VCAN: variants seen among roughly 807,000 people sequenced by gnomAD.
VCAN encodes the protein versican core protein.
Under a neutral mutation model 245.5 loss-of-function variants are expected in VCAN, and 44 were observed. The ratio of observed to expected loss-of-function variants is 0.18; its 90% CI spans 0.14 to 0.23. The LOEUF is 0.23. VCAN is among the 10% of genes least tolerant of loss of function. The probability of loss-of-function intolerance (pLI) is 1.00; values close to 1 mark genes in which losing one functional copy is unlikely to be tolerated. For synonymous variants in VCAN, 1,413 were observed against 1,437.0 expected (o/e 0.98, Z 0.38); for missense variants, 3,793 against 4,057.9 (o/e 0.93, Z 1.77).
intron 10 of VCAN, among the ~76,000 whole-genome samples, chr5:83,550,619 G>A (rs1747423544): frequency 6.6e-6 from 1 of 152,154 alleles, no homozygotes; most frequent in African/African-American, 2.4e-5. Context: ...AGGCATGGTG[G>A]CTTACGCCTG....
chr5:83,553,429 C>G lies in VCAN; in HGVS notation c.9559C>G (p.Arg3187Gly). 1 of 1,614,070 alleles carries G rather than the reference C, an allele frequency of 6.2e-7. No homozygotes were observed. Among genetic ancestry groups the G allele is most frequent in the Non-Finnish European group, 8.5e-7 (1 of 1,179,974 alleles). Residue 3187 changes from arginine to glycine, a missense_variant, in exon 11 of 15, where the codon CGA becomes GGA. Physicochemically the swap from Arg to Gly is moderately radical, Grantham distance 125 (BLOSUM62 -2). Transcript: ENST00000265077. ...GCAGTGCTACAAATACTTTGCCCAT[C>G]GACGCACATGGGATGCAGCTGAACG... ...QGQCYKYFAH[R>G]RTWDAAEREC...
intron 12 of VCAN, 56 bp downstream of exon 12, chr5:83,555,094 G>T: frequency 6.4e-7 from 1 of 1,572,450 alleles, no homozygotes; most frequent in Non-Finnish European, 8.7e-7. Flanking sequence ...TTGGTACTGT[G>T]CACTGATTGT....
At chr5:83,577,666 T>G (rs2112507387) in intron 13 of VCAN, among the ~76,000 whole-genome samples, 1 of 152,306 alleles carries the variant, frequency 6.6e-6, no homozygotes, top group South Asian at 2.1e-4. Flanking sequence ...TGTTTTATAG[T>G]TTTGCCTCTT....
chr5:83,493,786 A>G lies in VCAN; in HGVS notation c.621-18A>G. ...GAGTGAGAAGAAAGTGCCACTAACT[A>G]GCCATTTATTTCCCCAGATATCCCA... On this transcript the variant is annotated intron_variant, in intron 4 of 14. Coordinates refer to ENST00000265077, the MANE Select transcript of VCAN (RefSeq NM_004385.5). 1 of 1,614,178 alleles carries G rather than the reference A, an allele frequency of 6.2e-7. No homozygotes were observed. The highest frequency in any genetic ancestry group is 1.1e-5 in the South Asian group (1 of 91,078).
chr5:83,535,038 A>C (rs542576841), intron 7 of VCAN, among the ~76,000 whole-genome samples: 1 of 152,216 alleles, frequency 6.6e-6, no homozygotes, highest in African/African-American at 2.4e-5. Flanking sequence ...CTATATTTTT[A>C]AATGACAAGG....
chr5:83,530,840 T>A (rs1463539202), intron 7 of VCAN, among the ~76,000 whole-genome samples: 2 of 152,080 alleles, frequency 1.3e-5, no homozygotes, highest in Non-Finnish European at 2.9e-5. Context: ...ATTGAGGTGA[T>A]ACAAAATATA....
At chr5:83,557,037 C>T (rs917560013) in intron 12 of VCAN, among the ~76,000 whole-genome samples, 1 of 152,078 alleles carries the variant, frequency 6.6e-6, no homozygotes, top group African/African-American at 2.4e-5. Context: ...GCCCAGGACT[C>T]AGCTGGCCAT....
intron 1 of VCAN, among the ~76,000 whole-genome samples, chr5:83,477,647 TA>T (rs1375943168): frequency 6.6e-6 from 1 of 152,164 alleles, no homozygotes; most frequent in Non-Finnish European, 1.5e-5. Context: ...TAGGTCTGAC[TA>T]AGTAAAAATT....
chr5:83,542,389 C>A, intron 8 of VCAN, 121 bp downstream of exon 8: 1 of 1,101,284 alleles, frequency 9.1e-7, no homozygotes, highest in Non-Finnish European at 1.3e-6. Flanking sequence ...ATATTATTCA[C>A]ATAACAGCAG....
At chr5:83,491,229 A>G (rs970654594) in intron 3 of VCAN, among the ~76,000 whole-genome samples, 11 of 152,368 alleles carry the variant, frequency 7.2e-5, no homozygotes, top group African/African-American at 2.4e-4. Context: ...ACATAATGCC[A>G]TAGCCCTTGG....
intron 12 of VCAN, among the ~76,000 whole-genome samples, chr5:83,567,144 T>G (rs1263701328): frequency 2.6e-5 from 4 of 152,138 alleles, no homozygotes; most frequent in African/African-American, 9.7e-5. Flanking sequence ...CCTGGAGAAC[T>G]AGTTATTTAA....
At chr5:83,566,895 T>A (rs751700448) in intron 12 of VCAN, among the ~76,000 whole-genome samples, 9 of 152,180 alleles carry the variant, frequency 5.9e-5, no homozygotes, top group Non-Finnish European at 1.0e-4. Flanking sequence ...ATGAATAGCT[T>A]CAGTCTGCTC....
In VCAN at chr5:83,542,236, A is replaced by C. The variant is rs1460057280; in HGVS notation, c.9233A>C (p.Glu3078Ala). The C allele has an allele frequency of 6.2e-7, 1 of 1,613,806 alleles. No homozygotes were observed. ...GATTTCCTGATTGGCATTAATGAAG[A>C]GTCAGTGGAAGGCACGGCAATCTAT... ...ETDFLIGINEESVEGTAIYLP... is the reference protein window; with the variant it reads ...ETDFLIGINEASVEGTAIYLP... Residue 3078 changes from glutamate to alanine, a missense_variant, in exon 8 of 15, where the codon GAG becomes GCG. Glu to Ala is a moderately radical substitution (Grantham distance 107, BLOSUM62 -1). Around this residue, in one of 5 missense-constraint regions of VCAN, gnomAD observed 3,182 missense variants for 3,250.3 expected, o/e 0.98. Coordinates refer to ENST00000265077, the MANE Select transcript of VCAN (RefSeq NM_004385.5).
intron 12 of VCAN, among the ~76,000 whole-genome samples, chr5:83,570,316 G>A (rs191566305): frequency 6.6e-6 from 1 of 151,846 alleles, no homozygotes; most frequent in Admixed American, 6.6e-5. Flanking sequence ...TTTTTTGCAA[G>A]TTTATCACTC....
chr5:83,576,911 T>G (rs1181307961), intron 13 of VCAN, among the ~76,000 whole-genome samples: 1 of 152,152 alleles, frequency 6.6e-6, no homozygotes, highest in Non-Finnish European at 1.5e-5. Context: ...TGAAAATTGT[T>G]TACTTATAAT....
intron 9 of VCAN, 143 bp downstream of exon 9, chr5:83,545,793 G>A (rs1747189734): frequency 2.6e-6 from 2 of 759,580 alleles, no homozygotes; most frequent in African/African-American, 3.5e-5. Flanking sequence ...AAATCTGAGG[G>A]TAATTAACTA....
At chr5:83,570,738 A>T (rs1273552870) in intron 12 of VCAN, among the ~76,000 whole-genome samples, 1 of 152,146 alleles carries the variant, frequency 6.6e-6, no homozygotes, top group African/African-American at 2.4e-5. Flanking sequence ...AAATACAGTA[A>T]AATGGATCAG....
At chr5:83,506,685 C>A (rs1188812375) in intron 5 of VCAN, among the ~76,000 whole-genome samples, 6 of 152,210 alleles carry the variant, frequency 3.9e-5, no homozygotes, top group Non-Finnish European at 8.8e-5. Context: ...TTCAGCAACA[C>A]CCCACTGTAC....
intron 5 of VCAN, among the ~76,000 whole-genome samples, chr5:83,509,479 T>C (rs987184948): frequency 6.6e-6 from 1 of 152,208 alleles, no homozygotes; most frequent in Non-Finnish European, 1.5e-5. Context: ...CTTGGAGAAG[T>C]TGATGTTCCT....
Sources: gnomAD v4.1 joint callset for allele counts (sites outside exome capture counted in the v4.1 genomes callset) on GRCh38, gnomAD v4.1.1 for gene constraint, gnomAD v4.1.1 regional missense constraint, MANE v1.5 for transcripts, NCBI Gene and HGNC (gene_info 2026-07-23, HGNC 2026-07-21) for gene names.